ADGRL3: variants seen among roughly 807,000 people sequenced by gnomAD.
The protein encoded by ADGRL3 is adhesion G protein-coupled receptor L3, also known as calcium-independent alpha-latrotoxin receptor 3.
Under a neutral mutation model 153.5 loss-of-function variants are expected in ADGRL3, and 62 were observed. That is an observed-to-expected ratio of 0.40 (90% CI 0.33 to 0.50). The LOEUF (loss-of-function observed/expected upper bound fraction) is 0.50. ADGRL3 is among the 20% of genes least tolerant of loss of function. The probability of loss-of-function intolerance (pLI) is 0.47; values close to 1 mark genes in which losing one functional copy is unlikely to be tolerated. For missense variants in ADGRL3, 1,641 were observed against 1,859.4 expected (o/e 0.88, Z 2.16); for synonymous variants, 710 against 672.5 (o/e 1.06, Z -0.86).
At chr4:62,018,730 G>A (rs1039400452) in intron 21 of ADGRL3, among the ~76,000 whole-genome samples, 2 of 152,190 alleles carry the variant, frequency 1.3e-5, no homozygotes, top group Admixed American at 6.5e-5. Context: ...CCTTTCAGAG[G>A]AAGGCCTGTC....
At chr4:61,680,560 G>C (rs1324609296) in intron 6 of ADGRL3, among the ~76,000 whole-genome samples, 1 of 151,758 alleles carries the variant, frequency 6.6e-6, no homozygotes, top group African/African-American at 2.4e-5. Context: ...AATATAGACA[G>C]AGTCAATAAA....
rs556103838 is a variant in ADGRL3 at position 61,807,269 on chromosome 4, A to G, written c.1400-6540A>G. On this transcript the variant is annotated intron_variant, in intron 8 of 26. Transcript: ENST00000683033. The stretch of plus-strand genomic sequence containing the variant: ...TCATTCACATTTTTTCTCTTTTGCT[A>G]TTATTTGTGTTGAGGTGTTATTTTG... Among the ~76,000 whole-genome samples the G allele has an allele frequency of 5.9e-5, 9 of 151,992 alleles. No homozygotes were observed. In the East Asian group the frequency reaches 1.2e-3, roughly 20 times the overall value.
chr4:61,611,578 T>C (rs902294787), intron 5 of ADGRL3, among the ~76,000 whole-genome samples: 2 of 152,130 alleles, frequency 1.3e-5, no homozygotes, highest in Admixed American at 1.3e-4. Flanking sequence ...ATATCTTCAG[T>C]AAATATCTTT....
intron 8 of ADGRL3, among the ~76,000 whole-genome samples, chr4:61,749,335 A>T (rs150868453): frequency 0.084 from 12,773 of 151,492 alleles, 1,154 homozygotes; most frequent in African/African-American, 0.23. Flanking sequence ...AGAAATACCA[A>T]TTGACCCAGG....
intron 6 of ADGRL3, among the ~76,000 whole-genome samples, chr4:61,704,973 T>G (rs2095831659): frequency 6.6e-6 from 1 of 152,184 alleles, no homozygotes; most frequent in Non-Finnish European, 1.5e-5. Context: ...ACTGACTTCC[T>G]CCACTGAAGT....
intron 9 of ADGRL3, among the ~76,000 whole-genome samples, chr4:61,850,697 G>T (rs183656715): frequency 3.3e-5 from 5 of 151,994 alleles, no homozygotes; most frequent in African/African-American, 9.7e-5. Context: ...TTCTATTTCG[G>T]CAGGGCTATT....
chr4:61,810,683 A>G (rs1304307014), intron 8 of ADGRL3, among the ~76,000 whole-genome samples: 1 of 152,170 alleles, frequency 6.6e-6, no homozygotes, highest in African/African-American at 2.4e-5. Context: ...TTTTTGCTAC[A>G]GCACTGGGCT....
At chr4:61,480,783 AAAATAAAT>A (rs147263201) in intron 2 of ADGRL3, among the ~76,000 whole-genome samples, 14 of 151,534 alleles carry the variant, frequency 9.2e-5, no homozygotes, top group African/African-American at 3.4e-4. Flanking sequence ...ACTCCTTCTC[AAAATAAAT>A]AAATAAATAA....
intron 5 of ADGRL3, among the ~76,000 whole-genome samples, chr4:61,589,771 A>G (rs555540604): frequency 1.3e-5 from 2 of 152,090 alleles, no homozygotes; most frequent in African/African-American, 2.4e-5. Context: ...ATGAAATGTC[A>G]TTGAGGCAGA....
At chr4:61,674,096 A>C (rs1307022413) in intron 5 of ADGRL3, among the ~76,000 whole-genome samples, 2 of 151,364 alleles carry the variant, frequency 1.3e-5, no homozygotes, top group East Asian at 3.9e-4. Flanking sequence ...ATAAATAATT[A>C]GTAATTTACA....
At position 61,343,598 on chromosome 4, in the gene ADGRL3, A is replaced by G. The variant is rs536989414; in HGVS notation, c.-239-39526A>G. ...ATAAATAAACTGTGGTGTTTGGACT[A>G]GGGCATCATATTCTAAAACATAATA... On this transcript the variant is annotated intron_variant, in intron 1 of 26. Coordinates refer to ENST00000683033, the MANE Select transcript of ADGRL3 (RefSeq NM_001387552.1). Among the ~76,000 whole-genome samples, 18 of 152,296 alleles carry G rather than the reference A, an allele frequency of 1.2e-4. No individual in the cohort carries two copies. The South Asian group carries it at 3.3e-3, about 28-fold the overall frequency.
chr4:62,002,345 A>G (rs1485663226), intron 21 of ADGRL3, among the ~76,000 whole-genome samples: 1 of 149,550 alleles, frequency 6.7e-6, no homozygotes, highest in Non-Finnish European at 1.5e-5. Flanking sequence ...CTCAGATCTT[A>G]TCTCTGCTGT....
chr4:61,469,095 C>G (rs2097916267), intron 2 of ADGRL3, among the ~76,000 whole-genome samples: 1 of 151,896 alleles, frequency 6.6e-6, no homozygotes, highest in Non-Finnish European at 1.5e-5. Flanking sequence ...ATTGGGAAGC[C>G]CACTACCCAT....
intron 4 of ADGRL3, among the ~76,000 whole-genome samples, chr4:61,540,805 TG>T: frequency 1.3e-5 from 2 of 152,236 alleles, no homozygotes; most frequent in Middle Eastern, 6.8e-3. Flanking sequence ...AAATTAAATA[TG>T]TGCATATCAG....
chr4:61,695,530 G>A (rs2095626046), intron 6 of ADGRL3, among the ~76,000 whole-genome samples: 2 of 152,124 alleles, frequency 1.3e-5, no homozygotes, highest in African/African-American at 4.8e-5. Flanking sequence ...CATCTATAGA[G>A]TACAGGCAGA....
intron 9 of ADGRL3, among the ~76,000 whole-genome samples, chr4:61,828,977 A>G (rs2097842189): frequency 6.6e-6 from 1 of 152,142 alleles, no homozygotes. Flanking sequence ...TCATGCTCTT[A>G]ACTGAGATAT....
At chr4:61,413,376 T>C (rs78164548) in intron 2 of ADGRL3, among the ~76,000 whole-genome samples, 4,609 of 152,104 alleles carry the variant, frequency 0.03, 222 homozygotes, top group East Asian at 0.21. Context: ...CGGGTGCTCT[T>C]TACTGACAAC....
chr4:61,478,888 A>C (rs1204096461), intron 2 of ADGRL3, among the ~76,000 whole-genome samples: 1 of 152,082 alleles, frequency 6.6e-6, no homozygotes, highest in African/African-American at 2.4e-5. Context: ...AGTTAATGTT[A>C]TGTTTCCATG....
chr4:61,392,397 G>A (rs1208209199), intron 2 of ADGRL3, among the ~76,000 whole-genome samples: 2 of 151,580 alleles, frequency 1.3e-5, no homozygotes, highest in African/African-American at 4.8e-5. Flanking sequence ...ATAGAAAAGA[G>A]TCTCAGGCGC....
Sources: allele counts gnomAD v4.1 joint callset (sites outside exome capture counted in the v4.1 genomes callset), GRCh38; gene constraint gnomAD v4.1.1; transcripts MANE v1.5; gene names NCBI Gene and HGNC (gene_info 2026-07-23, HGNC 2026-07-21).